The following HEXA variants were observed in gnomAD, a reference collection of about 807,000 sequenced individuals.
HEXA encodes hexosaminidase subunit alpha, also known as beta-hexosaminidase subunit alpha.
In HEXA, 54 loss-of-function variants were observed where a neutral mutation model predicts 73.3. The ratio of observed to expected loss-of-function variants is 0.74; its 90% CI spans 0.59 to 0.92. HEXA has a LOEUF of 0.92. HEXA is among the 40% of genes least tolerant of loss of function. HEXA has a pLI of 0.00. For synonymous variants in HEXA, 230 were observed against 246.9 expected, an observed-to-expected ratio of 0.93 and a Z score of 0.64; for missense variants, 649 against 653.0, an observed-to-expected ratio of 0.99 and a Z score of 0.07.
intron 10 of HEXA, 58 bp from the exon 11 acceptor site, chr15:72,346,768 T>C (rs1483797963): frequency 2.0e-6 from 3 of 1,527,598 alleles, no homozygotes; most frequent in Admixed American, 1.7e-5. Context: ...TCCTGGGCCT[T>C]ATTCATACAC....
In HEXA at chr15:72,346,231, T is replaced by C. The variant is rs953579005; in HGVS notation, c.1421+4A>G. The C allele has an allele frequency of 8.7e-6, 14 of 1,611,912 alleles. No individual in the cohort carries two copies. In the African/African-American group the frequency reaches 1.3e-4, roughly 15 times the overall value. On this transcript the variant is annotated splice_donor_region_variant and intron_variant, in intron 12 of 13. Coordinates refer to ENST00000268097, the MANE Select transcript of HEXA (RefSeq NM_000520.6). ...CCCTCCACCTCCCCCCCGAAAACCC[T>C]TACCAGAGCCTGGGGACCAGGTTTG... is the stretch of plus-strand genomic sequence containing the variant.
At chr15:72,346,142 A>G in intron 12 of HEXA, 93 bp downstream of exon 12, 2 of 850,284 alleles carry the variant, frequency 2.4e-6, no homozygotes, top group South Asian at 2.8e-5. Context: ...AAAGAAGGGT[A>G]CTAGTCCAGA....
intron 13 of HEXA, chr15:72,345,194 T>C (rs2088593074): frequency 1.8e-6 from 1 of 543,874 alleles, no homozygotes. Flanking sequence ...GATCTTAGAT[T>C]ACTTATACCT....
At chr15:72,344,466 G>T (rs893268150) in intron 13 of HEXA, among the ~76,000 whole-genome samples, 1 of 152,106 alleles carries the variant, frequency 6.6e-6, no homozygotes, top group African/African-American at 2.4e-5. Context: ...AATATAGATG[G>T]ATGTCTGAAA....
At chr15:72,373,285 G>C (rs925172774) in intron 1 of HEXA, among the ~76,000 whole-genome samples, 6 of 152,130 alleles carry the variant, frequency 3.9e-5, no homozygotes, top group Middle Eastern at 3.2e-3. Flanking sequence ...ATGTATTCTG[G>C]CTTCAGCCTT....
chr15:72,352,048 C>G (rs1003024061), intron 5 of HEXA, among the ~76,000 whole-genome samples: 1 of 152,104 alleles, frequency 6.6e-6, no homozygotes, highest in African/African-American at 2.4e-5. Flanking sequence ...CTTGATCTCC[C>G]CAGGCTCAGG....
At chr15:72,362,018 T>C (rs1036808122) in intron 1 of HEXA, among the ~76,000 whole-genome samples, 11 of 152,242 alleles carry the variant, frequency 7.2e-5, no homozygotes, top group African/African-American at 1.7e-4. Flanking sequence ...ATGGCTCCCA[T>C]AGCTTTCAGA....
chr15:72,346,729 T>C lies in HEXA; in HGVS notation c.1147-19A>G. 1 of 1,612,896 alleles carries C rather than the reference T, an allele frequency of 6.2e-7. No individual in the cohort carries two copies. On this transcript the variant is annotated intron_variant, in intron 10 of 13. Transcript: ENST00000268097. ...GCTGAATCTGTTATAAAAGGTCAAA[T>C]GGCAGTAAGGACACAAAGCTGAGGA...
chr15:72,368,385 CA>C (rs2088944921), intron 1 of HEXA, among the ~76,000 whole-genome samples: 1 of 152,186 alleles, frequency 6.6e-6, no homozygotes, highest in African/African-American at 2.4e-5. Flanking sequence ...ATTTCTGCTC[CA>C]TCCCTACAAG....
intron 1 of HEXA, among the ~76,000 whole-genome samples, chr15:72,371,303 A>G (rs1171654986): frequency 6.6e-6 from 1 of 152,206 alleles, no homozygotes; most frequent in African/African-American, 2.4e-5. Context: ...GGTAATCCTC[A>G]ATGAAAACCT....
intron 12 of HEXA, chr15:72,345,964 A>G (rs2088606944): frequency 1.8e-6 from 1 of 554,930 alleles, no homozygotes; most frequent in Admixed American, 3.1e-5. Flanking sequence ...TGAGCAACTC[A>G]CCTATGTTCT....
rs2088566316 is a variant in HEXA, at chr15:72,342,916, T to A, written c.*1161A>T. 1 of 152,118 alleles carries A rather than the reference T, an allele frequency of 6.6e-6. No homozygotes were observed. The highest frequency in any genetic ancestry group is 2.4e-5 in the African/African-American group (1 of 41,364). 9.4% of individuals were successfully genotyped at this position (152,118 alleles called of 1,614,324 possible). On this transcript the variant is annotated 3_prime_UTR_variant, in exon 14 of 14. Coordinates refer to ENST00000268097, the MANE Select transcript of HEXA (RefSeq NM_000520.6). ...GCCTGGCCAATATAGTGAAACCCCA[T>A]CTCTACTAAAAATAGATGAATTCGG...
chr15:72,360,854 G>C (rs747621642), intron 1 of HEXA, among the ~76,000 whole-genome samples: 1 of 152,116 alleles, frequency 6.6e-6, no homozygotes, highest in Non-Finnish European at 1.5e-5. Context: ...TATATAATTG[G>C]GCTGCTGGGA....
At chr15:72,369,412 C>T (rs2088958384) in intron 1 of HEXA, among the ~76,000 whole-genome samples, 2 of 152,178 alleles carry the variant, frequency 1.3e-5, no homozygotes, top group South Asian at 2.1e-4. Context: ...GGTCATGGAA[C>T]CTCTTGAGGA....
Position 72,375,980 on chromosome 15 carries a change from T to G in HEXA, c.-8A>C. On this transcript the variant is annotated 5_prime_UTR_variant, in exon 1 of 14. Coordinates refer to ENST00000268097, the MANE Select transcript of HEXA (RefSeq NM_000520.6). The stretch of plus-strand genomic sequence containing the variant: ...AAGCCTGGAGCTTGTCATGGCCCGC[T>G]GGTCTCCCCTCTCGGAGGGGGCTGG... 6.2e-7 allele frequency: 1 copy of G among 1,612,838 alleles called. No homozygotes were observed. Among genetic ancestry groups the G allele is most frequent in the South Asian group, 1.1e-5 (1 of 91,064 alleles).
At chr15:72,349,699 T>C (rs2088669493) in intron 7 of HEXA, among the ~76,000 whole-genome samples, 1 of 152,224 alleles carries the variant, frequency 6.6e-6, no homozygotes, top group African/African-American at 2.4e-5. Context: ...GATATCTCCC[T>C]TGGCCCAGAG....
At chr15:72,349,765 G>GT (rs1158508628) in intron 7 of HEXA, among the ~76,000 whole-genome samples, 1 of 151,944 alleles carries the variant, frequency 6.6e-6, no homozygotes, top group Non-Finnish European at 1.5e-5. Flanking sequence ...TTTGGTTGTT[G>GT]TTGTTTGTTT....
At chr15:72,345,098 A>G (rs1487922326) in intron 13 of HEXA, 3 of 347,496 alleles carry the variant, frequency 8.6e-6, no homozygotes, top group Non-Finnish European at 1.7e-5. Flanking sequence ...CGTGGATACC[A>G]AAATCCAAGG....
intron 6 of HEXA, 35 bp downstream of exon 6, chr15:72,351,098 C>T: frequency 2.3e-6 from 3 of 1,314,362 alleles, no homozygotes; most frequent in Non-Finnish European, 3.3e-6. Context: ...CAGACATTGA[C>T]CCATAAACTT....
Sources: gnomAD v4.1 joint callset for allele counts (sites outside exome capture counted in the v4.1 genomes callset) on GRCh38, gnomAD v4.1.1 for gene constraint, MANE v1.5 for transcripts, NCBI Gene and HGNC (gene_info 2026-07-23, HGNC 2026-07-21) for gene names.